PMFBP1: variants seen among roughly 807,000 people sequenced by gnomAD.
PMFBP1 encodes polyamine modulated factor 1 binding protein 1.
In PMFBP1, 131 loss-of-function variants were observed where a neutral mutation model predicts 137.8. The observed-to-expected ratio is 0.95, with a 90% confidence interval of 0.82 to 1.10. PMFBP1 has a LOEUF of 1.10. PMFBP1 is among the 50% of genes least tolerant of loss of function. PMFBP1 has a pLI of 0.00. For synonymous variants in PMFBP1, 490 were observed against 450.4 expected, an observed-to-expected ratio of 1.09 and a Z score of -1.11; for missense variants, 1,199 against 1,175.4, an observed-to-expected ratio of 1.02 and a Z score of -0.29.
chr16:72,194,712 A>T, the PMFBP1 span, among the ~76,000 whole-genome samples: 1 of 152,164 alleles, frequency 6.6e-6, no homozygotes, highest in South Asian at 2.1e-4. Context: ...TTTGGGCAGG[A>T]TATAGATATT....
the PMFBP1 span, among the ~76,000 whole-genome samples, chr16:72,190,856 AC>A: frequency 6.6e-6 from 1 of 152,206 alleles, no homozygotes; most frequent in African/African-American, 2.4e-5. Context: ...GCTTTATAGG[AC>A]ATCTTAGATC....
intron 4 of PMFBP1, 48 bp downstream of exon 4, chr16:72,154,163 G>T: frequency 6.3e-7 from 1 of 1,597,320 alleles, no homozygotes; most frequent in Non-Finnish European, 8.5e-7. Context: ...TCTGATTTCT[G>T]CAGGTACCTA....
chr16:72,120,013 T>C lies in PMFBP1; in HGVS notation c.2845A>G (p.Lys949Glu), dbSNP rs531473158. 1.2e-6 allele frequency: 2 copies of C among 1,614,190 alleles called. No homozygotes were observed. Among genetic ancestry groups the C allele is most frequent in the Admixed American group, 3.3e-5 (2 of 60,022 alleles). Reference sequence around the variant, plus strand: ...GTGCATAGCCTTGTGTTCTCGGCTTTCATCTTCTTCTCTTCTATCTCCTTC... The same window carrying C: ...GTGCATAGCCTTGTGTTCTCGGCTTCCATCTTCTTCTCTTCTATCTCCTTC... ...LKKEIEEKKM[K>E]AENTRLCTKA... The change falls in exon 20 of 21, where the codon AAA (lysine) becomes GAA (glutamate). Residue 949 changes from lysine (K) to glutamate (E), a missense_variant. Lys to Glu is a moderately conservative substitution (Grantham distance 56). Coordinates refer to ENST00000237353, the MANE Select transcript of PMFBP1 (RefSeq NM_031293.3).
chr16:72,119,778 C>T, intron 20 of PMFBP1, 73 bp downstream of exon 20: 1 of 1,566,738 alleles, frequency 6.4e-7, no homozygotes, highest in Non-Finnish European at 8.6e-7. Context: ...TTTTCTTCTT[C>T]CTACTTGAAT....
chr16:72,231,593 G>T, the PMFBP1 span, among the ~76,000 whole-genome samples: 1 of 152,132 alleles, frequency 6.6e-6, no homozygotes, highest in Non-Finnish European at 1.5e-5. Flanking sequence ...GTGAGCTAAA[G>T]ATCAGTTTTT....
intron 5 of PMFBP1, among the ~76,000 whole-genome samples, chr16:72,148,336 C>T (rs573510174): frequency 7.4e-5 from 8 of 108,346 alleles, no homozygotes; most frequent in South Asian, 6.7e-4. Context: ...CACATGGATA[C>T]GGGGCAGGGA....
At chr16:72,157,094 C>T (rs1387455597) in intron 3 of PMFBP1, among the ~76,000 whole-genome samples, 1 of 142,510 alleles carries the variant, frequency 7.0e-6, no homozygotes, top group Non-Finnish European at 1.5e-5. Flanking sequence ...GAGGTTGAGG[C>T]AGGAAAATGG....
At chr16:72,193,149 G>A in the PMFBP1 span, among the ~76,000 whole-genome samples, 1 of 152,078 alleles carries the variant, frequency 6.6e-6, no homozygotes. Context: ...CACTATGGGA[G>A]GCTGTGGTGA....
At chr16:72,201,956 T>A in the PMFBP1 span, among the ~76,000 whole-genome samples, 3 of 152,252 alleles carry the variant, frequency 2.0e-5, no homozygotes, top group Non-Finnish European at 4.4e-5. Context: ...TGTCCCATCC[T>A]GGAATTTTCA....
chr16:72,190,565 A>T, the PMFBP1 span, among the ~76,000 whole-genome samples: 2 of 152,112 alleles, frequency 1.3e-5, no homozygotes, highest in African/African-American at 2.4e-5. Context: ...AGAGAGAGAA[A>T]AGAAAGGGAA....
chr16:72,207,574 G>A, the PMFBP1 span, among the ~76,000 whole-genome samples: 4 of 151,996 alleles, frequency 2.6e-5, no homozygotes, highest in East Asian at 5.8e-4. Context: ...TGTGAGAGGA[G>A]GGCTGAGAAC....
chr16:72,134,910 G>A (rs570871629), intron 9 of PMFBP1, among the ~76,000 whole-genome samples: 16 of 152,148 alleles, frequency 1.1e-4, no homozygotes, highest in African/African-American at 2.2e-4. Flanking sequence ...TTTACCGGCT[G>A]TCTCCCTACA....
In PMFBP1 at chr16:72,149,585, G is replaced by A. The variant is rs577553580; in HGVS notation, c.636+1023C>T. On this transcript the variant is annotated intron_variant, in intron 5 of 20. Transcript: ENST00000237353. Reference sequence around the variant, plus strand: ...CGCCTGTAATCCTAGCACTTTGGGAGGCTGAGGTGAGTGGATCACACGAGG... The same window carrying A: ...CGCCTGTAATCCTAGCACTTTGGGAAGCTGAGGTGAGTGGATCACACGAGG... 2.0e-5 allele frequency among the ~76,000 whole-genome samples: 3 copies of A among 152,320 alleles called. No individual in the cohort carries two copies. In the East Asian group the frequency reaches 5.8e-4, roughly 29 times the overall value.
the PMFBP1 span, among the ~76,000 whole-genome samples, chr16:72,188,938 C>A: frequency 6.6e-6 from 1 of 152,176 alleles, no homozygotes; most frequent in Non-Finnish European, 1.5e-5. Flanking sequence ...GGACAGGGTC[C>A]CCGACCAAGG....
Position 72,124,755 on chromosome 16 carries a change from AG to A in PMFBP1, c.2589+11del. 2 of 1,611,280 alleles carry A rather than the reference AG, an allele frequency of 1.2e-6. No homozygotes were observed. The highest frequency in any genetic ancestry group is 2.2e-5 in the South Asian group (2 of 90,814). The stretch of plus-strand genomic sequence containing the variant: ...ACTGAGAGGAGGCACGCAGAAGCCA[AG>A]GCATGCCCACCTCCTTATCGTCCTC... On this transcript the variant is annotated intron_variant, in intron 17 of 20. Transcript: ENST00000237353.
chr16:72,140,740 G>A (rs2042706808), intron 5 of PMFBP1, among the ~76,000 whole-genome samples, 158 bp from the exon 6 acceptor site: 3 of 152,052 alleles, frequency 2.0e-5, no homozygotes, highest in Admixed American at 2.0e-4. Context: ...ATTAACTAGT[G>A]CATATACATG....
Position 72,124,829 on chromosome 16 carries a change from G to A in PMFBP1, c.2527C>T (p.Leu843Phe). The change falls in exon 17 of 21, where the codon CTC becomes TTC. Residue 843 changes from leucine (L) to phenylalanine (F), a missense_variant. Physicochemically the swap from Leu to Phe is conservative, Grantham distance 22. Coordinates refer to ENST00000237353, the MANE Select transcript of PMFBP1 (RefSeq NM_031293.3). The stretch of plus-strand genomic sequence containing the variant: ...GCCATCTCCTCCTGGAACTCCCTGA[G>A]CTGCTCCTCTTTGGCTGCCAGCATC... The part of the protein sequence containing the change: ...LKMLAAKEEQ[L>F]REFQEEMAAL... 6.2e-7 allele frequency: 1 copy of A among 1,614,210 alleles called. No homozygotes were observed. The highest frequency in any genetic ancestry group is 1.6e-4 in the Middle Eastern group (1 of 6,062).
chr16:72,126,719 C>G (rs1388194685), intron 14 of PMFBP1, among the ~76,000 whole-genome samples: 1 of 152,186 alleles, frequency 6.6e-6, no homozygotes, highest in East Asian at 1.9e-4. Flanking sequence ...TGTTAGGGAA[C>G]ATGTAGTTCT....
rs1222089070 is a variant in PMFBP1 at position 72,132,779 on chromosome 16, G to A, written c.1416C>T (p.Leu472=). 9 of 1,614,054 alleles carry A rather than the reference G, an allele frequency of 5.6e-6. No homozygotes were observed. Among genetic ancestry groups the A allele is most frequent in the African/African-American group, 1.3e-5 (1 of 74,922 alleles). ...GCCTCTCCTGCTGCTTGGCCTCTTC[G>A]AGACTGTTCTTCAGCTTCTGGACCT... is the stretch of plus-strand genomic sequence containing the variant. ...QAEVQKLKNS[L]EEAKQQERLA... is the part of the protein sequence containing the mutation. Residue 472 remains leucine, a synonymous_variant, in exon 10 of 21, where the codon CTC becomes CTT. Transcript: ENST00000237353.
Sources: gnomAD v4.1 joint callset for allele counts (sites outside exome capture counted in the v4.1 genomes callset) on GRCh38, gnomAD v4.1.1 for gene constraint, MANE v1.5 for transcripts, NCBI Gene and HGNC (gene_info 2026-07-23, HGNC 2026-07-21) for gene names.